The following CLEC16A variants were observed in gnomAD, a reference collection of about 807,000 sequenced individuals.
CLEC16A encodes C-type lectin domain containing 16A.
A neutral mutation model predicts 109.5 loss-of-function variants in CLEC16A; 51 were observed. That is an observed-to-expected ratio of 0.47 (90% CI 0.37 to 0.59). The LOEUF is 0.59. Among genes scored for constraint, CLEC16A ranks in the 20% least tolerant of loss-of-function variants. CLEC16A has a pLI of 0.00. For synonymous variants in CLEC16A, 673 were observed against 564.2 expected (o/e 1.19, Z -2.73); for missense variants, 1,339 against 1,394.0 (o/e 0.96, Z 0.63).
At chr16:11,047,032 A>G (rs2047670706) in intron 16 of CLEC16A, among the ~76,000 whole-genome samples, 2 of 152,032 alleles carry the variant, frequency 1.3e-5, no homozygotes, top group South Asian at 2.1e-4. Flanking sequence ...TTTTTAATTA[A>G]CTGCTTTGAC....
chr16:11,107,508 G>T (rs1473753858), intron 19 of CLEC16A, among the ~76,000 whole-genome samples: 3 of 152,250 alleles, frequency 2.0e-5, no homozygotes, highest in Non-Finnish European at 4.4e-5. Flanking sequence ...GTCAGGAGAA[G>T]CAGCCAACCT....
At chr16:11,128,978 A>C (rs576196326) in intron 22 of CLEC16A, among the ~76,000 whole-genome samples, 1 of 152,242 alleles carries the variant, frequency 6.6e-6, no homozygotes, top group African/African-American at 2.4e-5. Context: ...TTCCTGTTGC[A>C]CTTAGAACAA....
intron 22 of CLEC16A, among the ~76,000 whole-genome samples, chr16:11,148,893 G>C (rs909141285): frequency 6.6e-6 from 1 of 152,238 alleles, no homozygotes; most frequent in Non-Finnish European, 1.5e-5. Context: ...AGCTCCAGCA[G>C]TTCTGTGTAG....
chr16:11,168,184 G>A (rs1265724830), intron 23 of CLEC16A, among the ~76,000 whole-genome samples: 1 of 152,188 alleles, frequency 6.6e-6, no homozygotes, highest in East Asian at 1.9e-4. Context: ...TGTGACCCCT[G>A]AGGCTTCAAC....
At chr16:11,027,553 T>G in intron 13 of CLEC16A, 1 of 1,553,622 alleles carries the variant, frequency 6.4e-7, no homozygotes, top group Non-Finnish European at 8.8e-7. Flanking sequence ...GAGGAGCACC[T>G]GGGGAAGTTT....
intron 13 of CLEC16A, among the ~76,000 whole-genome samples, chr16:11,034,403 G>GC (rs1220450681): frequency 3.3e-5 from 5 of 152,152 alleles, no homozygotes; most frequent in African/African-American, 1.2e-4. Context: ...TTATTCTTAT[G>GC]CATCTTTGGT....
intron 1 of CLEC16A, among the ~76,000 whole-genome samples, chr16:10,955,985 G>T (rs535833919): frequency 6.6e-6 from 1 of 152,222 alleles, no homozygotes; most frequent in Non-Finnish European, 1.5e-5. Context: ...AAACTCTGCC[G>T]TTTGAAACTC....
At chr16:11,056,918 T>A (rs901343210) in intron 18 of CLEC16A, 1 of 152,234 alleles carries the variant, frequency 6.6e-6, no homozygotes, top group Non-Finnish European at 1.5e-5. Flanking sequence ...GTTGTCACAG[T>A]TTAAATAAGT....
intron 19 of CLEC16A, among the ~76,000 whole-genome samples, chr16:11,099,584 TA>T (rs1363765120): frequency 2.0e-5 from 3 of 152,104 alleles, no homozygotes; most frequent in African/African-American, 7.2e-5. Flanking sequence ...GCAGGTGGGG[TA>T]AAATCAGGAA....
chr16:11,075,897 A>G (rs886218385), intron 19 of CLEC16A, among the ~76,000 whole-genome samples: 12 of 152,266 alleles, frequency 7.9e-5, no homozygotes, highest in African/African-American at 2.9e-4. Flanking sequence ...TTTCTCATCC[A>G]AACCCCACTA....
chr16:11,147,241 C>T (rs1183041253), intron 22 of CLEC16A, among the ~76,000 whole-genome samples: 1 of 152,172 alleles, frequency 6.6e-6, no homozygotes, highest in African/African-American at 2.4e-5. Flanking sequence ...CCGCCCTGGC[C>T]AGATAAGGGG....
chr16:11,138,760 G>A (rs915314595), intron 22 of CLEC16A, among the ~76,000 whole-genome samples: 10 of 152,078 alleles, frequency 6.6e-5, no homozygotes, highest in South Asian at 2.1e-4. Context: ...ATTTTAGTTC[G>A]CAGGCGCACC....
At chr16:11,060,645 G>A (rs2048430593) in intron 18 of CLEC16A, among the ~76,000 whole-genome samples, 1 of 152,204 alleles carries the variant, frequency 6.6e-6, no homozygotes, top group Non-Finnish European at 1.5e-5. Flanking sequence ...CCTGGCAGAT[G>A]ACGGGTGCTC....
rs1459210905 is a variant in CLEC16A, at chr16:10,969,151, C to T, written c.344-10C>T. 2 of 1,598,658 alleles carry T rather than the reference C, an allele frequency of 1.3e-6. No individual in the cohort carries two copies. Among genetic ancestry groups the T allele is most frequent in the South Asian group, 1.1e-5 (1 of 89,276 alleles). On this transcript the variant is annotated splice_polypyrimidine_tract_variant and intron_variant, in intron 3 of 23. Transcript: ENST00000409790. ...ATGAGTTAACCTGTTTTGTTTTTTT[C>T]TCCCTCTAGATTATTTGCTCTCAAA...
intron 21 of CLEC16A, among the ~76,000 whole-genome samples, chr16:11,125,031 G>T (rs1294319742): frequency 6.6e-6 from 1 of 152,164 alleles, no homozygotes; most frequent in African/African-American, 2.4e-5. Context: ...GGAGGTTACA[G>T]TGAGCCATGA....
At chr16:11,051,198 A>G (rs1415600609) in intron 17 of CLEC16A, among the ~76,000 whole-genome samples, 1 of 152,230 alleles carries the variant, frequency 6.6e-6, no homozygotes, top group Non-Finnish European at 1.5e-5. Context: ...CCTCCTGCTG[A>G]GAATCCCTGT....
chr16:11,047,273 T>A lies in CLEC16A; in HGVS notation c.1816-19T>A, dbSNP rs764430477. 81 of 1,602,304 alleles carry A rather than the reference T, an allele frequency of 5.1e-5. No individual in the cohort carries two copies. In the East Asian group the frequency reaches 1.8e-3, roughly 35 times the overall value. On this transcript the variant is annotated intron_variant, in intron 16 of 23. Transcript: ENST00000409790. ...AAAATATGAATAATCTCCTCTTCCC[T>A]CCCTTCCTTTCTTTTTAGGGAGAAG...
intron 13 of CLEC16A, among the ~76,000 whole-genome samples, chr16:11,028,735 A>G (rs2152822501): frequency 6.6e-6 from 1 of 152,312 alleles, no homozygotes; most frequent in East Asian, 1.9e-4. Context: ...AGGAGATAGT[A>G]CAGTTTCATT....
At chr16:11,108,447 G>C (rs560445726) in intron 19 of CLEC16A, among the ~76,000 whole-genome samples, 22 of 152,366 alleles carry the variant, frequency 1.4e-4, no homozygotes, top group Non-Finnish European at 2.6e-4. Context: ...CCTGTTGAGA[G>C]CTCACATCAT....
Sources: allele counts gnomAD v4.1 joint callset (sites outside exome capture counted in the v4.1 genomes callset), GRCh38; gene constraint gnomAD v4.1.1; transcripts MANE v1.5; gene names NCBI Gene and HGNC (gene_info 2026-07-23, HGNC 2026-07-21).